The following CNBD1 variants were observed in gnomAD, a reference collection of about 807,000 sequenced individuals.
CNBD1 encodes the protein cyclic nucleotide-binding domain-containing protein 1.
A neutral mutation model predicts 54.4 loss-of-function variants in CNBD1; 71 were observed. The ratio of observed to expected loss-of-function variants is 1.30; its 90% confidence interval spans 1.08 to 1.59. The LOEUF (loss-of-function observed/expected upper bound fraction) is 1.59, where lower values mean the gene tolerates loss of function less well. Among genes scored for constraint, CNBD1 ranks in the 40% most tolerant of loss-of-function variants. The pLI is 0.00. For missense variants in CNBD1, 659 were observed against 518.0 expected, an observed-to-expected ratio of 1.27 and a Z score of -2.64; for synonymous variants, 182 against 170.7, an observed-to-expected ratio of 1.07 and a Z score of -0.51.
At chr8:87,144,868 T>G (rs981659555) in intron 4 of CNBD1, among the ~76,000 whole-genome samples, 18 of 150,108 alleles carry the variant, frequency 1.2e-4, no homozygotes, top group African/African-American at 4.2e-4. Flanking sequence ...AGATAAAGTT[T>G]AGTAGAGAGA....
chr8:87,225,016 G>T lies in CNBD1; in HGVS notation c.578-11903G>T, dbSNP rs192584284. The stretch of plus-strand genomic sequence containing the variant: ...TTCTCTTTGAAGCAATTGTGAATGG[G>T]AGTTCACTCGTGATTTGGCTCTCTG... On this transcript the variant is annotated intron_variant, in intron 5 of 10. Transcript: ENST00000518476. 5.0e-3 allele frequency among the ~76,000 whole-genome samples: 763 copies of T among 152,094 alleles called. 11 individuals are homozygous for T. The highest frequency in any genetic ancestry group is 0.035 in the East Asian group (179 of 5,154).
intron 2 of CNBD1, among the ~76,000 whole-genome samples, chr8:86,889,035 T>C (rs763999918): frequency 1.1e-4 from 17 of 152,192 alleles, no homozygotes; most frequent in Admixed American, 2.0e-4. Context: ...AATCTGGCTG[T>C]ACTGCCTGAC....
At chr8:87,231,594 G>A (rs553774172) in intron 5 of CNBD1, among the ~76,000 whole-genome samples, 1 of 152,014 alleles carries the variant, frequency 6.6e-6, no homozygotes, top group East Asian at 1.9e-4. Flanking sequence ...TCAAAACAAA[G>A]AAAGTCAAAC....
chr8:87,115,882 G>C (rs1811756877), intron 4 of CNBD1, among the ~76,000 whole-genome samples: 2 of 152,056 alleles, frequency 1.3e-5, no homozygotes, highest in African/African-American at 2.4e-5. Context: ...CCTTCTCACT[G>C]TGCATCGGGC....
chr8:87,334,932 G>A lies in CNBD1; in HGVS notation c.1043-16753G>A, dbSNP rs570833338. ...TAGAGACGGGGTTTCCACCATTTTG[G>A]CCAGGATGGTCTCAGTCTCTTGACC... On this transcript the variant is annotated intron_variant, in intron 8 of 10. Transcript: ENST00000518476. Among the ~76,000 whole-genome samples, 7 of 151,788 alleles carry A rather than the reference G, an allele frequency of 4.6e-5. No individual in the cohort carries two copies. In the South Asian group the frequency reaches 1.0e-3, roughly 23 times the overall value.
intron 1 of CNBD1, among the ~76,000 whole-genome samples, chr8:86,868,633 G>A (rs1029322157): frequency 2.6e-5 from 4 of 152,038 alleles, no homozygotes; most frequent in Non-Finnish European, 5.9e-5. Context: ...CGCCCCGGCT[G>A]TCTGTATTTA....
At chr8:87,224,190 G>A (rs1206869289) in intron 5 of CNBD1, among the ~76,000 whole-genome samples, 2 of 151,694 alleles carry the variant, frequency 1.3e-5, no homozygotes, top group South Asian at 2.1e-4. Context: ...CATTTTGTAG[G>A]TTGCCTGTTC....
At chr8:87,390,592 G>A (rs187963930) in intron 2 of CNBD1, among the ~76,000 whole-genome samples, 106 of 147,212 alleles carry the variant, frequency 7.2e-4, no homozygotes, top group Admixed American at 2.2e-3. Flanking sequence ...CAGGAAACAA[G>A]AGGTGCTGGA....
At chr8:87,398,640 T>G (rs1164331128) in intron 2 of CNBD1, among the ~76,000 whole-genome samples, 1 of 152,016 alleles carries the variant, frequency 6.6e-6, no homozygotes, top group African/African-American at 2.4e-5. Flanking sequence ...CTCCTTTTAT[T>G]ATATTCCACA....
chr8:87,155,120 A>G (rs1171508134), intron 4 of CNBD1, among the ~76,000 whole-genome samples: 2 of 152,214 alleles, frequency 1.3e-5, no homozygotes, highest in Non-Finnish European at 2.9e-5. Flanking sequence ...ATTTGACTGT[A>G]AGAATAAACA....
intron 8 of CNBD1, among the ~76,000 whole-genome samples, chr8:87,346,656 G>A (rs2130924083): frequency 6.6e-6 from 1 of 152,098 alleles, no homozygotes; most frequent in South Asian, 2.1e-4. Flanking sequence ...AGAGTATAGT[G>A]ACTATGTGCT....
intron 1 of CNBD1, among the ~76,000 whole-genome samples, chr8:86,882,980 T>C (rs1356640163): frequency 3.3e-5 from 5 of 152,038 alleles, no homozygotes; most frequent in African/African-American, 1.2e-4. Flanking sequence ...TGAGAACACA[T>C]GGACACATAG....
intron 10 of CNBD1, among the ~76,000 whole-genome samples, chr8:87,371,653 T>A (rs1266474807): frequency 1.3e-5 from 2 of 152,042 alleles, no homozygotes; most frequent in African/African-American, 4.8e-5. Flanking sequence ...TCAAGTGGGC[T>A]TCATCCCTGG....
intron 4 of CNBD1, among the ~76,000 whole-genome samples, chr8:87,058,644 T>C (rs541176584): frequency 6.6e-6 from 1 of 152,260 alleles, no homozygotes; most frequent in Admixed American, 6.5e-5. Context: ...TCTGAAGCAA[T>C]ATCCTCAGCT....
At chr8:87,208,291 G>A (rs993272895) in intron 5 of CNBD1, among the ~76,000 whole-genome samples, 17 of 151,956 alleles carry the variant, frequency 1.1e-4, no homozygotes, top group South Asian at 2.1e-4. Context: ...ATAAATAATC[G>A]AACAGTAATA....
At chr8:87,059,516 A>T (rs1810497609) in intron 4 of CNBD1, among the ~76,000 whole-genome samples, 1 of 152,196 alleles carries the variant, frequency 6.6e-6, no homozygotes, top group Admixed American at 6.5e-5. Flanking sequence ...AGAGCTGGGG[A>T]GGCCTCAGGA....
At chr8:87,340,120 G>T (rs111270095) in intron 8 of CNBD1, among the ~76,000 whole-genome samples, 3,670 of 152,112 alleles carry the variant, frequency 0.024, 148 homozygotes, top group African/African-American at 0.081. Context: ...CATCCCTCTC[G>T]TTTTCATTTT....
At chr8:87,370,412 T>A (rs374673602) in intron 10 of CNBD1, among the ~76,000 whole-genome samples, 2 of 152,062 alleles carry the variant, frequency 1.3e-5, no homozygotes, top group African/African-American at 2.4e-5. Flanking sequence ...TTTTAATGAT[T>A]GCCATTCTAA....
rs1808904164 is a variant in CNBD1 at position 86,899,708 on chromosome 8, G to A, written c.159-5373G>A. On this transcript the variant is annotated intron_variant, in intron 2 of 10. Coordinates refer to ENST00000518476, the MANE Select transcript of CNBD1 (RefSeq NM_173538.3). ...CGCTTATGGCAGCTTGTCTTTCCAGGTGATCTTTCTGTGAAAGATTTGCTT... is the reference window on the plus strand; with the variant it reads ...CGCTTATGGCAGCTTGTCTTTCCAGATGATCTTTCTGTGAAAGATTTGCTT... Among the ~76,000 whole-genome samples, 3 of 152,216 alleles carry A rather than the reference G, an allele frequency of 2.0e-5. No homozygotes were observed. The South Asian group carries it at 6.2e-4, about 32-fold the overall frequency.
Sources: allele counts gnomAD v4.1 joint callset (sites outside exome capture counted in the v4.1 genomes callset), GRCh38; gene constraint gnomAD v4.1.1; transcripts MANE v1.5; gene names NCBI Gene and HGNC (gene_info 2026-07-23, HGNC 2026-07-21).